ENC1: variants seen among roughly 807,000 people sequenced by gnomAD.
The protein encoded by ENC1 is ectodermal-neural cortex 1, also known as ectoderm-neural cortex protein 1.
Under a neutral mutation model 40.9 loss-of-function variants are expected in ENC1, and 19 were observed. The observed-to-expected ratio is 0.46, with a 90% CI of 0.32 to 0.68. The LOEUF (loss-of-function observed/expected upper bound fraction) is 0.68. Ranked by LOEUF, ENC1 falls within the 30% of genes least tolerant of loss-of-function variation. ENC1 has a pLI of 0.03. For missense variants in ENC1, 479 were observed against 737.5 expected (o/e 0.65, Z 4.06); for synonymous variants, 285 against 291.1 (o/e 0.98, Z 0.21).
At chr5:74,637,988 C>T (rs1308968269) in intron 1 of ENC1, among the ~76,000 whole-genome samples, 4 of 152,136 alleles carry the variant, frequency 2.6e-5, no homozygotes, top group African/African-American at 7.2e-5. Context: ...ATGCCTTCAT[C>T]CTTTTCTTTT....
Position 74,635,961 on chromosome 5 carries a change from G to A in ENC1, c.525C>T (p.Asn175=), listed in dbSNP as rs765734271. 1.9e-6 allele frequency: 3 copies of A among 1,614,068 alleles called. No individual in the cohort carries two copies. Among genetic ancestry groups the A allele is most frequent in the East Asian group, 4.5e-5 (2 of 44,890 alleles). ...YELSWRMCLS[N]FQTIRKNEDF... ...CTTCATTCTTCCTGATGGTTTGGAA[G>A]TTGCTGAGACACATTCTCCAAGATA... Residue 175 remains asparagine (N), a synonymous_variant, in exon 2 of 3, where the codon AAC becomes AAT. Coordinates refer to ENST00000302351, the MANE Select transcript of ENC1 (RefSeq NM_003633.4). This position sits in a 1 kb window ranked among gnomAD's most constrained non-coding sequence, Gnocchi z 5.5.
Position 74,634,767 on chromosome 5 carries a change from G to A in ENC1, c.1719C>T (p.Tyr573=). Residue 573 remains tyrosine (Y), a synonymous_variant, in exon 2 of 3, where the codon TAC becomes TAT. Transcript: ENST00000302351. The part of the protein sequence containing the change: ...DVWNSITTVP[Y]SLIPTAFVST... ...TGACAAATGCAGTAGGAATCAGCGA[G>A]TACGGGACAGTGGTGATGCTGTTCC... The A allele has an allele frequency of 6.2e-7, 1 of 1,614,128 alleles. No homozygotes were observed. The highest frequency in any genetic ancestry group is 8.5e-7 in the Non-Finnish European group (1 of 1,179,944).
Position 74,634,908 on chromosome 5 carries a change from T to C in ENC1, c.1578A>G (p.Ala526=). The C allele has an allele frequency of 6.2e-7, 1 of 1,614,214 alleles. No individual in the cohort carries two copies. The change falls in exon 2 of 3, where the codon GCA becomes GCG. Residue 526 remains alanine, a synonymous_variant. Coordinates refer to ENST00000302351, the MANE Select transcript of ENC1 (RefSeq NM_003633.4). ...CCACAGCATGGCAGCTCATGCGCTT[T>C]GCTGTCACATCTCCCACCTTGGTCC... ...YQWTKVGDVT[A]KRMSCHAVAS... is the part of the protein sequence containing the mutation.
intron 2 of ENC1, among the ~76,000 whole-genome samples, chr5:74,633,422 T>A (rs1456341192): frequency 6.6e-6 from 1 of 152,252 alleles, no homozygotes; most frequent in Non-Finnish European, 1.5e-5. Flanking sequence ...GGCCATAGTT[T>A]GGGAAGTTTA....
At chr5:74,634,634 C>T (rs529161316) in intron 2 of ENC1, 50 bp downstream of exon 2, 7 of 876,940 alleles carry the variant, frequency 8.0e-6, no homozygotes, top group African/African-American at 3.3e-5. Context: ...ACTGAACTTA[C>T]ACAATAGCCT....
At chr5:74,633,158 A>G (rs1747450494) in intron 2 of ENC1, among the ~76,000 whole-genome samples, 1 of 152,236 alleles carries the variant, frequency 6.6e-6, no homozygotes, top group Admixed American at 6.5e-5. Context: ...AAACAAGTCA[A>G]CACATCCTGT....
Position 74,635,262 on chromosome 5 carries a change from T to C in ENC1, c.1224A>G (p.Ser408=). ...AATGCLPASP[S]VSLKQVEHYD... is the part of the protein sequence containing the mutation. ...AATGTTCTACCTGCTTTAGAGAGAC[T>C]GAGGGGGAGGCCGGGAGGCAGCCAG... is the stretch of plus-strand genomic sequence containing the variant. Residue 408 remains serine, a synonymous_variant, in exon 2 of 3, where the codon TCA becomes TCG. Transcript: ENST00000302351. This position sits in a 1 kb window ranked among gnomAD's most constrained non-coding sequence, Gnocchi z 5.5. The C allele has an allele frequency of 6.2e-7, 1 of 1,614,150 alleles. No homozygotes were observed. Among genetic ancestry groups the C allele is most frequent in the Non-Finnish European group, 8.5e-7 (1 of 1,180,034 alleles).
chr5:74,630,889 T>G (rs1439808407), intron 2 of ENC1, among the ~76,000 whole-genome samples: 1 of 152,216 alleles, frequency 6.6e-6, no homozygotes. Context: ...GACCTTGCAC[T>G]GAATTCTTTG....
Position 74,629,848 on chromosome 5 carries a change from C to T in ENC1, c.*177G>A, listed in dbSNP as rs1747332134. On this transcript the variant is annotated 3_prime_UTR_variant, in exon 3 of 3. Coordinates refer to ENST00000302351, the MANE Select transcript of ENC1 (RefSeq NM_003633.4). ...AAAATCCCACCCCCCTCCCTCGCCC[C>T]TTTCCTTCATGTCCAGTTAGAGCAT... 1 of 118,736 alleles carries T rather than the reference C, an allele frequency of 8.4e-6. No homozygotes were observed. The highest frequency in any genetic ancestry group is 3.1e-5 in the African/African-American group (1 of 31,764). The allele number at this position is 118,736 out of a possible 1,614,324, so 7.4% of individuals were successfully genotyped here.
chr5:74,639,590 G>A (rs189553292), intron 1 of ENC1, among the ~76,000 whole-genome samples: 28 of 152,242 alleles, frequency 1.8e-4, no homozygotes, highest in Admixed American at 1.6e-3. Flanking sequence ...TTACATTACC[G>A]GTAACAATAG....
chr5:74,638,312 C>A (rs371813730), intron 1 of ENC1, among the ~76,000 whole-genome samples: 1 of 152,230 alleles, frequency 6.6e-6, no homozygotes, highest in Non-Finnish European at 1.5e-5. Flanking sequence ...CACTATAAGA[C>A]TGCACAGAAA....
chr5:74,637,194 C>G (rs1315604688), intron 1 of ENC1, among the ~76,000 whole-genome samples: 4 of 152,214 alleles, frequency 2.6e-5, no homozygotes, highest in Non-Finnish European at 1.5e-5. Flanking sequence ...CAGTTCACTG[C>G]AGCCTCGAAC....
intron 2 of ENC1, among the ~76,000 whole-genome samples, chr5:74,634,143 G>A (rs572697873): frequency 4.6e-5 from 7 of 152,310 alleles, no homozygotes; most frequent in Admixed American, 3.3e-4. Flanking sequence ...GCCGGGTGCG[G>A]TGGCTTATGC....
At position 74,634,963 on chromosome 5, in the gene ENC1, G is replaced by A. The variant is rs1260026520; in HGVS notation, c.1523C>T (p.Ala508Val). The A allele has an allele frequency of 1.2e-6, 2 of 1,614,120 alleles. No homozygotes were observed. The highest frequency in any genetic ancestry group is 2.7e-5 in the African/African-American group (2 of 75,050). Residue 508 changes from alanine (A) to valine (V), a missense_variant, in exon 2 of 3, where the codon GCT becomes GTT. Ala to Val is a moderately conservative substitution (Grantham distance 64, BLOSUM62 0). Coordinates refer to ENST00000302351, the MANE Select transcript of ENC1 (RefSeq NM_003633.4). Reference sequence around the variant, plus strand: ...GTAAGTCTCACTGTTGAATTTATAAGCAGAGCAGGCAGAGAATTCTGTATC... The same window carrying A: ...GTAAGTCTCACTGTTGAATTTATAAACAGAGCAGGCAGAGAATTCTGTATC... ...GGDTEFSACSAYKFNSETYQW... is the reference protein window; with the variant it reads ...GGDTEFSACSVYKFNSETYQW...
intron 2 of ENC1, among the ~76,000 whole-genome samples, chr5:74,631,433 T>C (rs987946608): frequency 2.0e-5 from 3 of 152,192 alleles, no homozygotes; most frequent in Non-Finnish European, 4.4e-5. Flanking sequence ...GGCAGAGGAA[T>C]TTGCAGTTTG....
Position 74,636,680 on chromosome 5 carries a change from G to A in ENC1, c.-13-182C>T, listed in dbSNP as rs1490537997. ...CCAGAGACAACTACCCGGAAGGAAG[G>A]ATATTCACTGCTAATACTGTTGAGC... On this transcript the variant is annotated intron_variant, in intron 1 of 2. Transcript: ENST00000302351. The surrounding 1 kb of genome is among the most constrained non-coding windows in gnomAD (Gnocchi z 4.8). Among the ~76,000 whole-genome samples the A allele has an allele frequency of 6.6e-6, 1 of 151,412 alleles. No homozygotes were observed. The highest frequency in any genetic ancestry group is 6.6e-5 in the Admixed American group (1 of 15,202).
Position 74,640,619 on chromosome 5 carries a change from G to A in ENC1, c.-326C>T, listed in dbSNP as rs1459754352. On this transcript the variant is annotated 5_prime_UTR_variant, in exon 1 of 3. Transcript: ENST00000302351. ...GGAAGGAGGCGGGCTGTGCGCTCGG[G>A]GGAGGGAGCTAGAAAGCGCCTTGTG... 1 of 152,378 alleles carries A rather than the reference G, an allele frequency of 6.6e-6. No homozygotes were observed. Among genetic ancestry groups the A allele is most frequent in the African/African-American group, 2.4e-5 (1 of 41,460 alleles). The allele number at this position is 152,378 out of a possible 1,614,324, so 9.4% of individuals were successfully genotyped here.
chr5:74,637,955 C>T (rs1445509270), intron 1 of ENC1, among the ~76,000 whole-genome samples: 1 of 152,156 alleles, frequency 6.6e-6, no homozygotes, highest in African/African-American at 2.4e-5. Context: ...ATGCTTGTCA[C>T]CCATCTTCAA....
rs755213400 is a variant in ENC1, at chr5:74,635,472, A to C, written c.1014T>G (p.Ile338Met). 1 of 1,614,164 alleles carries C rather than the reference A, an allele frequency of 6.2e-7. No individual in the cohort carries two copies. Among genetic ancestry groups the C allele is most frequent in the South Asian group, 1.1e-5 (1 of 91,084 alleles). The change falls in exon 2 of 3, where the codon ATT becomes ATG. Residue 338 changes from isoleucine to methionine, a missense_variant. Coordinates refer to ENST00000302351, the MANE Select transcript of ENC1 (RefSeq NM_003633.4). This position sits in a 1 kb window ranked among gnomAD's most constrained non-coding sequence, Gnocchi z 5.5. ...SPRKEFSACA[I>M]GCKVYITGGR... is the part of the protein sequence containing the mutation. ...CCCCAGTAATGTACACTTTGCAGCC[A>C]ATCGCACATGCACTAAACTCTTTTC...
Sources: allele counts gnomAD v4.1 joint callset (sites outside exome capture counted in the v4.1 genomes callset), GRCh38; gene constraint gnomAD v4.1.1; non-coding constraint Gnocchi (gnomAD v3.1); transcripts MANE v1.5; gene names NCBI Gene and HGNC (gene_info 2026-07-23, HGNC 2026-07-21).